Variants in JMJD1C observed in about 807,000 individuals in gnomAD.
The protein encoded by JMJD1C is jumonji domain-containing protein 1C.
A neutral mutation model predicts 245.3 loss-of-function variants in JMJD1C; 31 were observed. The ratio of observed to expected loss-of-function variants is 0.13; its 90% CI spans 0.09 to 0.17. The LOEUF (loss-of-function observed/expected upper bound fraction) is 0.17, where lower values mean the gene tolerates loss of function less well. JMJD1C is among the 10% of genes least tolerant of loss of function. The pLI is 1.00. For missense variants in JMJD1C, 2,691 were observed against 3,000.2 expected, an observed-to-expected ratio of 0.90 and a Z score of 2.41; for synonymous variants, 1,057 against 1,017.4, an observed-to-expected ratio of 1.04 and a Z score of -0.74.
chr10:63,328,785 T>C (rs1195167754), intron 2 of JMJD1C, among the ~76,000 whole-genome samples: 18 of 152,264 alleles, frequency 1.2e-4, no homozygotes, highest in Non-Finnish European at 2.2e-4. Context: ...TAACTCAGTT[T>C]AATATGTACT....
chr10:63,385,416 CTTTT>C (rs35450282), intron 1 of JMJD1C, among the ~76,000 whole-genome samples: 3 of 53,786 alleles, frequency 5.6e-5, no homozygotes, highest in Non-Finnish European at 9.4e-5. Flanking sequence ...CTGCCCCCGC[CTTTT>C]TTTTTTTTTT....
chr10:63,194,565 G>C (rs771869497), intron 13 of JMJD1C, 190 bp from the exon 14 acceptor site: 5 of 457,728 alleles, frequency 1.1e-5, no homozygotes, highest in African/African-American at 3.9e-5. Context: ...TCTGAAACAA[G>C]TCAGGAAAAA....
intron 2 of JMJD1C, among the ~76,000 whole-genome samples, chr10:63,288,009 A>T (rs10761736): frequency 0.67 from 101,639 of 152,052 alleles, 36,438 homozygotes; most frequent in Non-Finnish European, 0.81. Flanking sequence ...CCTCCCAAAG[A>T]GCTGCGATTA....
At chr10:63,292,245 C>T (rs954176622) in intron 2 of JMJD1C, among the ~76,000 whole-genome samples, 1 of 141,486 alleles carries the variant, frequency 7.1e-6, no homozygotes, top group African/African-American at 2.7e-5. Context: ...AGATGTGAGC[C>T]ACTATGCTGG....
At chr10:63,305,387 A>AAC (rs1180520825) in intron 2 of JMJD1C, among the ~76,000 whole-genome samples, 5 of 142,222 alleles carry the variant, frequency 3.5e-5, no homozygotes, top group East Asian at 4.0e-4. Context: ...CAAAAAACAA[A>AAC]AAAGGTTGCA....
intron 2 of JMJD1C, among the ~76,000 whole-genome samples, chr10:63,342,206 T>C (rs1215904067): frequency 6.6e-6 from 1 of 152,228 alleles, no homozygotes; most frequent in Non-Finnish European, 1.5e-5. Context: ...AAAATGGTTC[T>C]GAGTCAAAGT....
intron 3 of JMJD1C, chr10:63,222,076 G>GC: frequency 2.0e-6 from 1 of 503,350 alleles, no homozygotes; most frequent in South Asian, 1.9e-5. Context: ...ATCTCTGACA[G>GC]CAAGTTCTTT....
chr10:63,408,903 A>G (rs1351467934), intron 1 of JMJD1C, among the ~76,000 whole-genome samples: 1 of 152,202 alleles, frequency 6.6e-6, no homozygotes, highest in Non-Finnish European at 1.5e-5. Context: ...TAAAGAAGAT[A>G]AAATTGACAG....
At chr10:63,327,334 G>C (rs531455033) in intron 2 of JMJD1C, among the ~76,000 whole-genome samples, 1 of 152,266 alleles carries the variant, frequency 6.6e-6, no homozygotes, top group East Asian at 1.9e-4. Flanking sequence ...CTTCATCAAT[G>C]TAAATAAGCC....
intron 2 of JMJD1C, among the ~76,000 whole-genome samples, chr10:63,291,465 A>G (rs1858704163): frequency 6.6e-6 from 1 of 150,858 alleles, no homozygotes; most frequent in African/African-American, 2.4e-5. Flanking sequence ...AATACAAAAA[A>G]TTAGCCAGGT....
chr10:63,418,183 T>C (rs993248250), intron 1 of JMJD1C, among the ~76,000 whole-genome samples: 1 of 152,178 alleles, frequency 6.6e-6, no homozygotes, highest in African/African-American at 2.4e-5. Flanking sequence ...GCCATACTAC[T>C]ATAGTTTCTC....
chr10:63,207,728 T>A lies in JMJD1C; in HGVS notation c.3941A>T (p.Lys1314Ile), dbSNP rs1373174377. Residue 1314 changes from lysine (K) to isoleucine (I), a missense_variant, in exon 10 of 26, where the codon AAA (lysine) becomes ATA (isoleucine). Around this residue, in one of 9 missense-constraint regions of JMJD1C, gnomAD observed 1,562 missense variants for 1,490.7 expected, o/e 1.05. Transcript: ENST00000399262. ...SVIVRPSSST[K>I]TDSMPAMQLA... is the part of the protein sequence containing the mutation. Reference sequence around the variant, plus strand: ...CTGCATTGCTGGCATACTATCAGTTTTTGTACTAGAAGATGGACGCACAAT... The same window carrying A: ...CTGCATTGCTGGCATACTATCAGTTATTGTACTAGAAGATGGACGCACAAT... 6.2e-7 allele frequency: 1 copy of A among 1,614,072 alleles called. No homozygotes were observed. The highest frequency in any genetic ancestry group is 2.2e-5 in the East Asian group (1 of 44,902).
chr10:63,215,552 C>A lies in JMJD1C; in HGVS notation c.822+1G>T. The A allele has an allele frequency of 6.2e-7, 1 of 1,609,210 alleles. No individual in the cohort carries two copies. The highest frequency in any genetic ancestry group is 8.5e-7 in the Non-Finnish European group (1 of 1,176,126). Reference sequence around the variant, plus strand: ...AAATTCATCCCTAATAACATACATACGTGAACAGCGTTGACGTTTTGATTG... The same window carrying A: ...AAATTCATCCCTAATAACATACATAAGTGAACAGCGTTGACGTTTTGATTG... On this transcript the variant is annotated splice_donor_variant, in intron 6 of 25. Transcript: ENST00000399262. LOFTEE classifies it high-confidence loss of function.
chr10:63,301,353 C>CTGT (rs1860050178), intron 2 of JMJD1C, among the ~76,000 whole-genome samples: 1 of 152,178 alleles, frequency 6.6e-6, no homozygotes, highest in Non-Finnish European at 1.5e-5. Flanking sequence ...AGTGTACAAA[C>CTGT]ATTCAAAAAT....
chr10:63,464,337 C>G (rs1274189223), intron 1 of JMJD1C, among the ~76,000 whole-genome samples: 1 of 152,078 alleles, frequency 6.6e-6, no homozygotes, highest in East Asian at 1.9e-4. Context: ...TTTACAAAAA[C>G]ACACTCAGAA....
At chr10:63,263,698 G>A (rs536980361) in intron 3 of JMJD1C, among the ~76,000 whole-genome samples, 2 of 152,124 alleles carry the variant, frequency 1.3e-5, no homozygotes, top group South Asian at 2.1e-4. Flanking sequence ...TTGGGAGGCC[G>A]AGGCGGGCAG....
chr10:63,386,492 T>G (rs1289244108), intron 1 of JMJD1C, among the ~76,000 whole-genome samples: 3 of 152,296 alleles, frequency 2.0e-5, no homozygotes, highest in East Asian at 3.9e-4. Flanking sequence ...ACGGGTCTGC[T>G]CATCCAAGCT....
intron 17 of JMJD1C, among the ~76,000 whole-genome samples, chr10:63,190,679 C>T (rs1414735981): frequency 2.6e-5 from 4 of 152,150 alleles, no homozygotes; most frequent in East Asian, 3.9e-4. Context: ...CTTCTGGAAT[C>T]GAAGAGCACC....
At chr10:63,171,481 C>T (rs74138752) in intron 24 of JMJD1C, among the ~76,000 whole-genome samples, 3,234 of 152,352 alleles carry the variant, frequency 0.021, 113 homozygotes, top group African/African-American at 0.072. Context: ...ATGGTCATTG[C>T]TGACGGGCCA....
Sources: gnomAD v4.1 joint callset for allele counts (sites outside exome capture counted in the v4.1 genomes callset) on GRCh38, gnomAD v4.1.1 for gene constraint, gnomAD v4.1.1 regional missense constraint, MANE v1.5 for transcripts, NCBI Gene and HGNC (gene_info 2026-07-23, HGNC 2026-07-21) for gene names.